The following LIG1 variants were observed in gnomAD, a reference collection of about 807,000 sequenced individuals.
LIG1 encodes ligase I, DNA, ATP-dependent.
LIG1 carries 70 observed loss-of-function variants against 115.7 expected under a neutral mutation model. The observed-to-expected ratio is 0.60, with a 90% CI of 0.50 to 0.74. LIG1 has a LOEUF of 0.74. Ranked by LOEUF, LIG1 falls within the 30% of genes least tolerant of loss-of-function variation. The pLI, the probability that LIG1 is intolerant of heterozygous loss-of-function variation, is 0.00. For missense variants in LIG1, 1,115 were observed against 1,225.6 expected, an observed-to-expected ratio of 0.91 and a Z score of 1.35; for synonymous variants, 487 against 495.3, an observed-to-expected ratio of 0.98 and a Z score of 0.22.
intron 8 of LIG1, 72 bp downstream of exon 8, chr19:48,150,016 G>A: frequency 1.2e-6 from 2 of 1,609,524 alleles, no homozygotes; most frequent in East Asian, 4.5e-5. Flanking sequence ...AGCATCTCAG[G>A]CCTCTGGAGA....
At chr19:48,131,677 G>A (rs1230582149) in intron 18 of LIG1, among the ~76,000 whole-genome samples, 1 of 152,084 alleles carries the variant, frequency 6.6e-6, no homozygotes, top group Non-Finnish European at 1.5e-5. Flanking sequence ...GACCTCAGGT[G>A]ATCCGCCCAC....
intron 6 of LIG1, among the ~76,000 whole-genome samples, chr19:48,152,686 C>T (rs892451545): frequency 2.0e-5 from 3 of 152,044 alleles, no homozygotes; most frequent in East Asian, 1.9e-4. Flanking sequence ...ACTACTAGTT[C>T]GAGGTATTTC....
At chr19:48,126,079 AC>A (rs1211701250) in intron 21 of LIG1, among the ~76,000 whole-genome samples, 1 of 151,552 alleles carries the variant, frequency 6.6e-6, no homozygotes, top group Non-Finnish European at 1.5e-5. Flanking sequence ...TGAGTTCCAC[AC>A]CCCTATCCCA....
At chr19:48,121,775 T>C (rs757102606) in intron 23 of LIG1, among the ~76,000 whole-genome samples, 1 of 152,178 alleles carries the variant, frequency 6.6e-6, no homozygotes, top group African/African-American at 2.4e-5. Flanking sequence ...CACTCCAGCC[T>C]GGGCAATGAG....
Position 48,150,123 on chromosome 19 carries a change from G to A in LIG1, c.662C>T (p.Pro221Leu). 1.2e-6 allele frequency: 2 copies of A among 1,614,160 alleles called. No individual in the cohort carries two copies. Among genetic ancestry groups the A allele is most frequent in the Non-Finnish European group, 8.5e-7 (1 of 1,180,032 alleles). Residue 221 changes from proline (P) to leucine (L), a missense_variant, in exon 8 of 28, where the codon CCC becomes CTC. Transcript: ENST00000263274. ...LQEEEEQTKPPRRAPKTLSSF... is the reference protein window; with the variant it reads ...LQEEEEQTKPLRRAPKTLSSF... Reference sequence around the variant, plus strand: ...GCTGAGCGTCTTGGGAGCTCTGCGGGGAGGCTTGGTCTGCTCTTCCTCCTC... The same window carrying A: ...GCTGAGCGTCTTGGGAGCTCTGCGGAGAGGCTTGGTCTGCTCTTCCTCCTC...
intron 21 of LIG1, among the ~76,000 whole-genome samples, chr19:48,123,827 T>G (rs2033473902): frequency 6.6e-6 from 1 of 150,426 alleles, no homozygotes; most frequent in South Asian, 2.1e-4. Flanking sequence ...CGTGAGCCAC[T>G]GCATCCAGCC....
intron 21 of LIG1, chr19:48,126,916 G>GCAA (rs2033707446): frequency 3.7e-6 from 1 of 271,346 alleles, no homozygotes; most frequent in African/African-American, 2.2e-5. Context: ...CCCAAGTTTT[G>GCAA]AGAAAGTGGT....
intron 26 of LIG1, among the ~76,000 whole-genome samples, 155 bp downstream of exon 26, chr19:48,117,483 G>C (rs1187458151): frequency 2.0e-5 from 3 of 152,288 alleles, no homozygotes; most frequent in Non-Finnish European, 2.9e-5. Context: ...AAAATGTTTT[G>C]ATCTTTTTAT....
In LIG1 at chr19:48,151,261, G is replaced by A. The variant is rs376033078; in HGVS notation, c.545C>T (p.Thr182Ile). 8.1e-6 allele frequency: 13 copies of A among 1,613,548 alleles called. No individual in the cohort carries two copies. The highest frequency in any genetic ancestry group is 1.1e-5 in the Non-Finnish European group (13 of 1,179,668). ...GGTCTTTAGGGGCTTGGGAGGCGTG[G>A]TGGGCTGGTCCCCGTCTTCTCCTTC... Reference protein sequence around the residue: ...EKEGEDGDQPTTPPKPLKTSK... With the variant: ...EKEGEDGDQPITPPKPLKTSK... Residue 182 changes from threonine to isoleucine, a missense_variant, in exon 7 of 28, where the codon ACC becomes ATC. Thr to Ile is a moderately conservative substitution (Grantham distance 89). Transcript: ENST00000263274.
chr19:48,126,176 G>C (rs1164416105), intron 21 of LIG1, among the ~76,000 whole-genome samples: 1 of 152,106 alleles, frequency 6.6e-6, no homozygotes, highest in East Asian at 1.9e-4. Flanking sequence ...CAGAGAGGCT[G>C]AGTCATTCAT....
chr19:48,143,400 G>C lies in LIG1; in HGVS notation c.914+143C>G, dbSNP rs2034900881. ...GACCTGCAGCCGCTTTTGTGACCATGTCTGACATCCATGATCATACGCCCG... is the reference window on the plus strand; with the variant it reads ...GACCTGCAGCCGCTTTTGTGACCATCTCTGACATCCATGATCATACGCCCG... On this transcript the variant is annotated intron_variant, in intron 11 of 27. Transcript: ENST00000263274. The C allele has an allele frequency of 3.6e-6, 3 of 825,294 alleles. No homozygotes were observed. In the African/African-American group the frequency reaches 5.0e-5, roughly 14 times the overall value. The allele number at this position is 825,294 out of a possible 1,614,324, so 51.1% of individuals were successfully genotyped here. A position where few individuals can be genotyped will look rare whatever the true frequency, so the allele number is the denominator to read the frequency against.
chr19:48,134,152 C>T lies in LIG1; in HGVS notation c.1524-86G>A, dbSNP rs550944905. The stretch of plus-strand genomic sequence containing the variant: ...AGAGAGCTCGGCCTGCTCCCAGAAG[C>T]CTGGGCTCCTGGATGCCTCTGCCCA... On this transcript the variant is annotated intron_variant, in intron 16 of 27. Transcript: ENST00000263274. The T allele has an allele frequency of 4.8e-6, 6 of 1,241,590 alleles. No individual in the cohort carries two copies. The South Asian group carries it at 5.2e-5, about 11-fold the overall frequency. The allele number at this position is 1,241,590 out of a possible 1,614,324, so 76.9% of individuals were successfully genotyped here.
At chr19:48,151,524 G>A in intron 6 of LIG1, 185 bp from the exon 7 acceptor site, 1 of 515,194 alleles carries the variant, frequency 1.9e-6, no homozygotes, top group Non-Finnish European at 3.6e-6. Context: ...CTGCCTCCTG[G>A]GTTCATGCGA....
intron 21 of LIG1, among the ~76,000 whole-genome samples, chr19:48,125,849 G>GT (rs939255876): frequency 3.9e-5 from 6 of 151,992 alleles, no homozygotes; most frequent in Non-Finnish European, 5.9e-5. Context: ...TTCGCCAGGC[G>GT]TGGTGGTGCA....
At chr19:48,127,541 C>T in intron 20 of LIG1, 193 bp from the exon 21 acceptor site, 1 of 628,306 alleles carries the variant, frequency 1.6e-6, no homozygotes, top group Non-Finnish European at 2.9e-6. Context: ...CAACCTCATT[C>T]CCCTTCACCA....
intron 24 of LIG1, chr19:48,120,915 T>G (rs1189810386): frequency 3.0e-6 from 4 of 1,320,760 alleles, no homozygotes; most frequent in Non-Finnish European, 3.9e-6. Flanking sequence ...TTTTCTTATG[T>G]GAGCCACCAC....
At position 48,127,899 on chromosome 19, in the gene LIG1, G is replaced by A. The variant is rs2033775827; in HGVS notation, c.1932+11C>T. 10 of 1,607,984 alleles carry A rather than the reference G, an allele frequency of 6.2e-6. No homozygotes were observed. The East Asian group carries it at 2.2e-4, about 36-fold the overall frequency. On this transcript the variant is annotated intron_variant, in intron 20 of 27. Coordinates refer to ENST00000263274, the MANE Select transcript of LIG1 (RefSeq NM_000234.3). ...CGGGGCCTTGGCAGGCAGTGGAGCG[G>A]GTGATGCTACCTTGCGTTTGCGGGT...
intron 19 of LIG1, among the ~76,000 whole-genome samples, chr19:48,128,430 C>T (rs1343953271): frequency 2.0e-5 from 3 of 152,182 alleles, no homozygotes; most frequent in Non-Finnish European, 2.9e-5. Context: ...GCCCCAAATC[C>T]GATCACAGCA....
rs759188016 is a variant in LIG1 at position 48,150,077 on chromosome 19, G to A, written c.697+11C>T. 6.2e-7 allele frequency: 1 copy of A among 1,614,142 alleles called. No homozygotes were observed. Among genetic ancestry groups the A allele is most frequent in the East Asian group, 2.2e-5 (1 of 44,870 alleles). On this transcript the variant is annotated intron_variant, in intron 8 of 27. Transcript: ENST00000263274. ...CAACCCCGGGAGGTGGGGTGAGCAA[G>A]GGAAACTCACTGAAGAAGCTGCTGA...
Sources: allele counts gnomAD v4.1 joint callset (sites outside exome capture counted in the v4.1 genomes callset), GRCh38; gene constraint gnomAD v4.1.1; transcripts MANE v1.5; gene names NCBI Gene and HGNC (gene_info 2026-07-23, HGNC 2026-07-21).